The following ADAM19 variants were observed in gnomAD, a reference collection of about 807,000 sequenced individuals.
The protein encoded by ADAM19 is disintegrin and metalloproteinase domain-containing protein 19.
A neutral mutation model predicts 114.7 loss-of-function variants in ADAM19; 65 were observed. The observed-to-expected ratio is 0.57, with a 90% CI of 0.46 to 0.70. The LOEUF is 0.70. Ranked by LOEUF, ADAM19 falls within the 30% of genes least tolerant of loss-of-function variation. The pLI, the probability that ADAM19 is intolerant of heterozygous loss-of-function variation, is 0.00. For synonymous variants in ADAM19, 466 were observed against 460.5 expected (o/e 1.01, Z -0.15); for missense variants, 1,063 against 1,204.7 (o/e 0.88, Z 1.74).
At chr5:157,568,773 AAATGAG>A (rs1215240724) in intron 2 of ADAM19, 1 of 152,232 alleles carries the variant, frequency 6.6e-6, no homozygotes, top group East Asian at 1.9e-4. Context: ...TTAATTATAT[AAATGAG>A]AATGAGAGGC....
At chr5:157,562,691 A>G (rs1757541080) in intron 3 of ADAM19, among the ~76,000 whole-genome samples, 1 of 152,222 alleles carries the variant, frequency 6.6e-6, no homozygotes, top group Non-Finnish European at 1.5e-5. Flanking sequence ...ACAAATGCCT[A>G]TCCCTCTCTG....
chr5:157,488,192 C>G, intron 21 of ADAM19, 73 bp downstream of exon 21: 1 of 1,461,738 alleles, frequency 6.8e-7, no homozygotes, highest in Non-Finnish European at 9.5e-7. Flanking sequence ...ACCTTCCCCA[C>G]CTTTGCCATT....
Position 157,477,320 on chromosome 5 carries a change from AAAC to A in ADAM19, c.*3626_*3628del. 2 of 1,001,038 alleles carry A rather than the reference AAAC, an allele frequency of 2.0e-6. No individual in the cohort carries two copies. The highest frequency in any genetic ancestry group is 2.4e-6 in the Non-Finnish European group (2 of 838,392). The allele number at this position is 1,001,038 out of a possible 1,614,324, so 62.0% of individuals were successfully genotyped here. A position where few individuals can be genotyped will look rare whatever the true frequency, so the allele number is the denominator to read the frequency against. On this transcript the variant is annotated 3_prime_UTR_variant, in exon 23 of 23. Transcript: ENST00000257527. ...CAAACCAGATAACATTGCAAATGAC[AAAC>A]AATTCATTTTTAATTAAATACTAAC... is the stretch of plus-strand genomic sequence containing the variant.
At position 157,497,037 on chromosome 5, in the gene ADAM19, G is replaced by T; in HGVS notation, c.1451C>A (p.Pro484Gln). The change falls in exon 14 of 23, where the codon CCG (proline) becomes CAG (glutamine). Residue 484 changes from proline to glutamine, a missense_variant. Transcript: ENST00000257527. ...GGGAGACTTGCCCGTACAGAACTCC[G>T]GGAGGTCACACTGCCTGGCCTGCTC... ...CREQARQCDL[P>Q]EFCTGKSPHC... is the part of the protein sequence containing the mutation. 6.3e-7 allele frequency: 1 copy of T among 1,576,794 alleles called. No homozygotes were observed. The highest frequency in any genetic ancestry group is 1.2e-5 in the South Asian group (1 of 85,502).
intron 21 of ADAM19, among the ~76,000 whole-genome samples, chr5:157,484,530 C>T (rs1223194526): frequency 6.6e-6 from 1 of 152,138 alleles, no homozygotes; most frequent in Non-Finnish European, 1.5e-5. Flanking sequence ...CTTCCCTTCT[C>T]GAGAGGGTCA....
intron 2 of ADAM19, chr5:157,568,078 C>G (rs1334645550): frequency 6.6e-6 from 1 of 152,094 alleles, no homozygotes; most frequent in African/African-American, 2.4e-5. Flanking sequence ...AGGGTTCAAG[C>G]CATTCTCATG....
chr5:157,547,426 T>C (rs1315955148), intron 3 of ADAM19, among the ~76,000 whole-genome samples: 2 of 152,100 alleles, frequency 1.3e-5, no homozygotes, highest in Admixed American at 1.3e-4. Context: ...CCATAATGAG[T>C]GGATTAATGC....
intron 5 of ADAM19, among the ~76,000 whole-genome samples, chr5:157,528,855 A>C (rs1756546455): frequency 6.6e-6 from 1 of 152,228 alleles, no homozygotes; most frequent in African/African-American, 2.4e-5. Context: ...TGAGGGCTCC[A>C]AAATTACAGT....
chr5:157,505,582 G>A, intron 11 of ADAM19, 87 bp downstream of exon 11: 43 of 1,467,092 alleles, frequency 2.9e-5, no homozygotes, highest in Non-Finnish European at 3.9e-5. Flanking sequence ...GGGAGTCTCA[G>A]TGGGGCCAGC....
intron 8 of ADAM19, among the ~76,000 whole-genome samples, chr5:157,510,868 T>C (rs1755899152): frequency 6.6e-6 from 1 of 152,228 alleles, no homozygotes; most frequent in Non-Finnish European, 1.5e-5. Context: ...TGCACAGATA[T>C]GCTTACTCTT....
chr5:157,528,764 C>G (rs1275014648), intron 5 of ADAM19, among the ~76,000 whole-genome samples: 2 of 152,102 alleles, frequency 1.3e-5, no homozygotes, highest in Non-Finnish European at 2.9e-5. Context: ...GAGGAAAAAC[C>G]CTTATGTTTA....
chr5:157,566,660 C>T (rs142670628), intron 2 of ADAM19: 15 of 152,210 alleles, frequency 9.9e-5, no homozygotes, highest in African/African-American at 3.6e-4. Context: ...GTGTTTTAAA[C>T]ATAAGCTCTC....
intron 3 of ADAM19, among the ~76,000 whole-genome samples, chr5:157,557,564 C>T (rs2113786352): frequency 6.6e-6 from 1 of 152,290 alleles, no homozygotes; most frequent in Non-Finnish European, 1.5e-5. Flanking sequence ...GCATCTTAGT[C>T]CATTCTGGCT....
At chr5:157,546,028 G>T (rs1334744261) in intron 3 of ADAM19, among the ~76,000 whole-genome samples, 3 of 152,244 alleles carry the variant, frequency 2.0e-5, no homozygotes, top group African/African-American at 7.2e-5. Context: ...ATGTATGGAG[G>T]TCCGTGATGT....
At chr5:157,554,795 C>G (rs2113782938) in intron 3 of ADAM19, among the ~76,000 whole-genome samples, 1 of 152,304 alleles carries the variant, frequency 6.6e-6, no homozygotes, top group South Asian at 2.1e-4. Context: ...CCACACACAT[C>G]CTATGAGGTT....
intron 21 of ADAM19, among the ~76,000 whole-genome samples, chr5:157,484,165 C>T (rs1457962731): frequency 1.3e-5 from 2 of 152,112 alleles, no homozygotes; most frequent in Non-Finnish European, 2.9e-5. Flanking sequence ...CAGCCCCCAC[C>T]CTGACATTCC....
chr5:157,562,234 C>T lies in ADAM19; in HGVS notation c.251+2139G>A, dbSNP rs547593483. 3.9e-5 allele frequency among the ~76,000 whole-genome samples: 6 copies of T among 152,282 alleles called. No homozygotes were observed. The South Asian group carries it at 6.2e-4, about 16-fold the overall frequency. ...TGGATGAAAATAGCAGGAAGCCGTC[C>T]CCCAGGGACACCTGGTGAGGTCATA... On this transcript the variant is annotated intron_variant, in intron 3 of 22. Transcript: ENST00000257527.
In ADAM19 at chr5:157,499,624, G is replaced by T. The variant is rs1466916802; in HGVS notation, c.1347C>A (p.Thr449=). Residue 449 remains threonine (T), a synonymous_variant, in exon 13 of 23, where the codon ACC becomes ACA. Transcript: ENST00000257527. ...GAGCACACTCCGCCCCCGGCCTCAG[G>T]GTACAATTAGAGGCATTGCAGCAGG... ...NNPCCNASNC[T]LRPGAECAHG... 2 of 1,613,214 alleles carry T rather than the reference G, an allele frequency of 1.2e-6. No homozygotes were observed. Among genetic ancestry groups the T allele is most frequent in the Non-Finnish European group, 1.7e-6 (2 of 1,179,810 alleles).
chr5:157,541,867 C>A, intron 3 of ADAM19, among the ~76,000 whole-genome samples: 1 of 152,310 alleles, frequency 6.6e-6, no homozygotes, highest in Non-Finnish European at 1.5e-5. Context: ...AACCTTCTTC[C>A]TCCTGCTTCA....
Sources: allele counts gnomAD v4.1 joint callset (sites outside exome capture counted in the v4.1 genomes callset), GRCh38; gene constraint gnomAD v4.1.1; transcripts MANE v1.5; gene names NCBI Gene and HGNC (gene_info 2026-07-23, HGNC 2026-07-21).